The following GPC5 variants were observed in gnomAD, a reference collection of about 807,000 sequenced individuals.
The protein encoded by GPC5 is glypican 5.
GPC5 carries 47 observed loss-of-function variants against 53.9 expected under a neutral mutation model. The ratio of observed to expected loss-of-function variants is 0.87; its 90% CI spans 0.69 to 1.11. The LOEUF (loss-of-function observed/expected upper bound fraction) is 1.11. Ranked by LOEUF, GPC5 falls within the 50% of genes most tolerant of loss-of-function variation. The pLI is 0.00. For synonymous variants in GPC5, 286 were observed against 263.3 expected (o/e 1.09, Z -0.84); for missense variants, 748 against 713.1 (o/e 1.05, Z -0.56).
intron 7 of GPC5, among the ~76,000 whole-genome samples, chr13:92,579,808 C>A (rs780990908): frequency 6.6e-6 from 1 of 152,128 alleles, no homozygotes; most frequent in Non-Finnish European, 1.5e-5. Flanking sequence ...CTTATTCATA[C>A]CTAGACCTAA....
chr13:92,355,208 G>T (rs1483391000), intron 7 of GPC5, among the ~76,000 whole-genome samples: 1 of 151,168 alleles, frequency 6.6e-6, no homozygotes, highest in Non-Finnish European at 1.5e-5. Context: ...AGGTTTTGTG[G>T]TTTGTTTTCA....
At chr13:91,819,102 T>C (rs1238051837) in intron 5 of GPC5, among the ~76,000 whole-genome samples, 2 of 150,178 alleles carry the variant, frequency 1.3e-5, no homozygotes, top group Non-Finnish European at 3.0e-5. Context: ...ATGTAAGCAA[T>C]ATCCTGACTT....
chr13:91,890,733 G>A (rs2039376013), intron 5 of GPC5, among the ~76,000 whole-genome samples: 1 of 152,170 alleles, frequency 6.6e-6, no homozygotes, highest in Non-Finnish European at 1.5e-5. Flanking sequence ...AAAATTAATG[G>A]TAATATTATA....
At chr13:91,906,381 T>C (rs1014715841) in intron 5 of GPC5, among the ~76,000 whole-genome samples, 22 of 152,086 alleles carry the variant, frequency 1.4e-4, no homozygotes, top group African/African-American at 5.3e-4. Context: ...ATCCAGAATG[T>C]CTACTACTTG....
intron 7 of GPC5, among the ~76,000 whole-genome samples, chr13:92,690,599 G>A (rs1352691326): frequency 1.6e-3 from 229 of 144,732 alleles, no homozygotes; most frequent in Middle Eastern, 7.0e-3. Flanking sequence ...GCTTTGTTCT[G>A]TTGCTGGTGA....
chr13:92,272,679 A>T (rs1299328314), intron 7 of GPC5, among the ~76,000 whole-genome samples: 1 of 152,170 alleles, frequency 6.6e-6, no homozygotes, highest in African/African-American at 2.4e-5. Context: ...AAAGCCAAAA[A>T]TTGATGTTAA....
At chr13:92,754,976 G>C (rs909697353) in intron 7 of GPC5, among the ~76,000 whole-genome samples, 1 of 151,938 alleles carries the variant, frequency 6.6e-6, no homozygotes, top group Non-Finnish European at 1.5e-5. Context: ...TGCACCAAGC[G>C]GACCTAACAC....
rs141798716 is a variant in GPC5 at position 91,693,302 on chromosome 13, T to C, written c.441T>C (p.Asp147=). ...CTTCGGTTCAGGAGTTCTTCACTGATGTGGGGCTGTATTTATTTGGTGCGG... is the reference window on the plus strand; with the variant it reads ...CTTCGGTTCAGGAGTTCTTCACTGACGTGGGGCTGTATTTATTTGGTGCGG... ...AAASVQEFFT[D]VGLYLFGADV... The change falls in exon 3 of 8, where the codon GAT becomes GAC. Residue 147 remains aspartate (D), a synonymous_variant. Coordinates refer to ENST00000377067, the MANE Select transcript of GPC5 (RefSeq NM_004466.6). The C allele has an allele frequency of 1.8e-4, 286 of 1,614,098 alleles. 2 individuals carry two copies. The African/African-American group carries it at 3.1e-3, about 18-fold the overall frequency.
intron 1 of GPC5, among the ~76,000 whole-genome samples, chr13:91,426,753 C>T (rs191837207): frequency 6.6e-6 from 1 of 152,278 alleles, no homozygotes; most frequent in African/African-American, 2.4e-5. Context: ...ATGCTGGCAG[C>T]TGATTAGATG....
chr13:91,958,833 A>G (rs1467528414), intron 6 of GPC5, among the ~76,000 whole-genome samples: 1 of 152,064 alleles, frequency 6.6e-6, no homozygotes, highest in Admixed American at 6.6e-5. Context: ...GAAACAAATG[A>G]AAACCTAAAC....
chr13:91,628,341 G>T (rs2034064123), intron 2 of GPC5, among the ~76,000 whole-genome samples: 1 of 151,968 alleles, frequency 6.6e-6, no homozygotes, highest in African/African-American at 2.4e-5. Context: ...ATGAAAGAAT[G>T]ACATTAAATG....
At chr13:92,534,582 A>T (rs1297025615) in intron 7 of GPC5, among the ~76,000 whole-genome samples, 1 of 152,174 alleles carries the variant, frequency 6.6e-6, no homozygotes, top group East Asian at 1.9e-4. Flanking sequence ...AATTTTTAGT[A>T]AGGTGGGAAA....
At chr13:91,993,556 T>A (rs922581918) in intron 6 of GPC5, among the ~76,000 whole-genome samples, 1 of 152,202 alleles carries the variant, frequency 6.6e-6, no homozygotes, top group African/African-American at 2.4e-5. Context: ...TTTTGTCAGA[T>A]CAATTGTCAT....
chr13:92,082,846 A>G (rs9589421), intron 6 of GPC5, among the ~76,000 whole-genome samples: 3,199 of 152,322 alleles, frequency 0.021, 120 homozygotes, highest in African/African-American at 0.072. Context: ...TGTGAAAATC[A>G]TAGCTAGCTA....
At chr13:92,431,882 T>C (rs1877102333) in intron 7 of GPC5, among the ~76,000 whole-genome samples, 1 of 152,222 alleles carries the variant, frequency 6.6e-6, no homozygotes, top group Admixed American at 6.5e-5. Flanking sequence ...AGTAAATTTG[T>C]AAATAGTGTC....
At chr13:92,533,246 C>T (rs1373672312) in intron 7 of GPC5, among the ~76,000 whole-genome samples, 1 of 152,074 alleles carries the variant, frequency 6.6e-6, no homozygotes, top group East Asian at 1.9e-4. Flanking sequence ...TTAACTTCCA[C>T]TTTTATTTTA....
chr13:92,762,055 A>G (rs1444439067), intron 7 of GPC5, among the ~76,000 whole-genome samples: 1 of 152,080 alleles, frequency 6.6e-6, no homozygotes, highest in Non-Finnish European at 1.5e-5. Context: ...AAAAAAAAAG[A>G]ACACTAATTA....
At chr13:91,537,535 A>C (rs139962773) in intron 2 of GPC5, among the ~76,000 whole-genome samples, 43 of 152,346 alleles carry the variant, frequency 2.8e-4, no homozygotes, top group South Asian at 1.0e-3. Context: ...AAGCAAAAAA[A>C]GTCCCATAAA....
At chr13:92,823,654 C>A (rs542041664) in intron 7 of GPC5, among the ~76,000 whole-genome samples, 4 of 152,118 alleles carry the variant, frequency 2.6e-5, no homozygotes, top group South Asian at 2.1e-4. Flanking sequence ...TGAAGTTTAA[C>A]AAGATGTGTT....
Sources: allele counts gnomAD v4.1 joint callset (sites outside exome capture counted in the v4.1 genomes callset), GRCh38; gene constraint gnomAD v4.1.1; transcripts MANE v1.5; gene names NCBI Gene and HGNC (gene_info 2026-07-23, HGNC 2026-07-21).